MXI1: variants seen among roughly 807,000 people sequenced by gnomAD.
MXI1 encodes MAX interactor 1, dimerization protein, also known as max-interacting protein 1.
MXI1 carries 18 observed loss-of-function variants against 36.9 expected under a neutral mutation model. That is an observed-to-expected ratio of 0.49 (90% CI 0.34 to 0.72). The LOEUF is 0.72. Among genes scored for constraint, MXI1 ranks in the 30% least tolerant of loss-of-function variants. MXI1 has a pLI of 0.01. For synonymous variants in MXI1, 160 were observed against 146.7 expected, an observed-to-expected ratio of 1.09 and a Z score of -0.65; for missense variants, 304 against 379.1, an observed-to-expected ratio of 0.80 and a Z score of 1.64.
intron 1 of MXI1, among the ~76,000 whole-genome samples, chr10:110,220,255 T>G (rs1444087887): frequency 6.6e-6 from 1 of 152,166 alleles, no homozygotes; most frequent in Non-Finnish European, 1.5e-5. Context: ...TTAAATGAAC[T>G]GACTGGAGGA....
chr10:110,226,310 C>G lies in MXI1; in HGVS notation c.275-1879C>G, dbSNP rs1410566359. 8.8e-6 allele frequency: 13 copies of G among 1,481,310 alleles called. No homozygotes were observed. In the South Asian group the frequency reaches 1.4e-4, roughly 16 times the overall value. 91.8% of individuals were successfully genotyped at this position (1,481,310 alleles called of 1,614,324 possible). A position where few individuals can be genotyped will look rare whatever the true frequency, so the allele number is the denominator to read the frequency against. On this transcript the variant is annotated intron_variant, in intron 1 of 5. Coordinates refer to ENST00000332674, the MANE Select transcript of MXI1 (RefSeq NM_130439.3). ...TAATGGCTGGGCGCCGCTGCGTGAG[C>G]CCGAGCGCTACTAATCTTTTTCGGC...
At chr10:110,254,347 T>C (rs1343582904) in intron 3 of MXI1, among the ~76,000 whole-genome samples, 1 of 152,142 alleles carries the variant, frequency 6.6e-6, no homozygotes, top group Non-Finnish European at 1.5e-5. Flanking sequence ...TAATAAATGT[T>C]GTGTGTGTTC....
chr10:110,282,225 C>T (rs1284734627), intron 5 of MXI1, among the ~76,000 whole-genome samples: 5 of 152,164 alleles, frequency 3.3e-5, no homozygotes, highest in African/African-American at 1.2e-4. Context: ...GAATGTGTTC[C>T]AATCCATTGC....
At chr10:110,261,611 C>T (rs1020073325) in intron 3 of MXI1, among the ~76,000 whole-genome samples, 2 of 152,008 alleles carry the variant, frequency 1.3e-5, no homozygotes, top group South Asian at 2.1e-4. Flanking sequence ...AGTACCCAAT[C>T]CCACTTTTTA....
intron 2 of MXI1, among the ~76,000 whole-genome samples, chr10:110,229,936 C>T (rs1855201219): frequency 6.6e-6 from 1 of 152,070 alleles, no homozygotes; most frequent in Admixed American, 6.6e-5. Context: ...GTATTTAAGC[C>T]TTTCCTATTT....
At chr10:110,226,298 C>T in intron 1 of MXI1, 1 of 1,492,384 alleles carries the variant, frequency 6.7e-7, no homozygotes, top group Non-Finnish European at 8.9e-7. Flanking sequence ...TGGCTGGGCG[C>T]CGCTGCGTGA....
intron 1 of MXI1, among the ~76,000 whole-genome samples, chr10:110,223,822 C>CAA (rs544249501): frequency 0.065 from 7,111 of 108,698 alleles, 231 homozygotes; most frequent in Middle Eastern, 0.17. Context: ...AAAGCCTTTA[C>CAA]AAAAAAAAAA....
chr10:110,218,449 C>CA lies in MXI1; in HGVS notation c.275-9726dup, dbSNP rs5787839. On this transcript the variant is annotated intron_variant, in intron 1 of 5. Coordinates refer to ENST00000332674, the MANE Select transcript of MXI1 (RefSeq NM_130439.3). ...TGGGTGACAGAGTAAGACTCCATCT[C>CA]AAAAAAAAAAAAAAGATTTGGAATC... Among the ~76,000 whole-genome samples the CA allele has an allele frequency of 1.2e-3, 168 of 139,192 alleles. 1 individual carries two copies. The highest frequency in any genetic ancestry group is 7.9e-3 in the South Asian group (35 of 4,416). The allele number at this position is 139,192 out of a possible 152,430, so 91.3% of individuals were successfully genotyped here.
In MXI1 at chr10:110,238,505, CTTTGT is replaced by C. The variant is rs535663713; in HGVS notation, c.408-6315_408-6311del. On this transcript the variant is annotated intron_variant, in intron 2 of 5. Coordinates refer to ENST00000332674, the MANE Select transcript of MXI1 (RefSeq NM_130439.3). ...GTCTGTGTTCATGAGAGATGTTAGTCTTTGTTTTGTTTGTTTTCTATGTAATTTGT... is the reference window on the plus strand; with the variant it reads ...GTCTGTGTTCATGAGAGATGTTAGTCTTTGTTTGTTTTCTATGTAATTTGT... Among the ~76,000 whole-genome samples the C allele has an allele frequency of 2.1e-3, 320 of 152,178 alleles. 1 individual carries two copies. Among genetic ancestry groups the C allele is most frequent in the African/African-American group, 6.9e-3 (285 of 41,526 alleles).
rs932472710 is a variant in MXI1, at chr10:110,287,020, T to C, written c.*2033T>C. ...CTGTGTTTGCTTACTCTTGATCAAG[T>C]GTGAGACAGTTTGAAGACTGTGCTA... On this transcript the variant is annotated 3_prime_UTR_variant, in exon 6 of 6. Coordinates refer to ENST00000332674, the MANE Select transcript of MXI1 (RefSeq NM_130439.3). The C allele has an allele frequency of 2.6e-5, 4 of 152,210 alleles. No homozygotes were observed. Among genetic ancestry groups the C allele is most frequent in the Non-Finnish European group, 4.4e-5 (3 of 68,028 alleles). The allele number at this position is 152,210 out of a possible 1,614,324, so 9.4% of individuals were successfully genotyped here. A position where few individuals can be genotyped will look rare whatever the true frequency, so the allele number is the denominator to read the frequency against.
intron 1 of MXI1, among the ~76,000 whole-genome samples, chr10:110,208,876 A>G (rs1008751090): frequency 6.6e-6 from 1 of 152,122 alleles, no homozygotes; most frequent in African/African-American, 2.4e-5. Flanking sequence ...TTGAGAAACA[A>G]TAGTTGGGGA....
chr10:110,208,002 ACAT>A lies in MXI1; in HGVS notation c.197_199del (p.Ile66del). 6.2e-7 allele frequency: 1 copy of A among 1,603,480 alleles called. No individual in the cohort carries two copies. The highest frequency in any genetic ancestry group is 8.5e-7 in the Non-Finnish European group (1 of 1,175,232). On this transcript the variant is annotated inframe_deletion, in exon 1 of 6. Coordinates refer to ENST00000332674, the MANE Select transcript of MXI1 (RefSeq NM_130439.3). ...ACCAGCGAGAACTCGATGGAGAAGC[ACAT>A]CAACACTTTTCTGCAGAACGTGCAG... is the stretch of plus-strand genomic sequence containing the variant.
chr10:110,211,402 C>T (rs1854511685), intron 1 of MXI1, among the ~76,000 whole-genome samples: 1 of 152,182 alleles, frequency 6.6e-6, no homozygotes, highest in Non-Finnish European at 1.5e-5. Context: ...GTAGTGCGGC[C>T]AGCTGGTCCA....
chr10:110,262,214 C>T (rs1314062596), intron 3 of MXI1, among the ~76,000 whole-genome samples: 1 of 152,012 alleles, frequency 6.6e-6, no homozygotes, highest in Non-Finnish European at 1.5e-5. Flanking sequence ...TTCCCTGTGT[C>T]CTTATTCCCT....
rs371981057 is a variant in MXI1 at position 110,276,673 on chromosome 10, C to A, written c.438-2507C>A. Among the ~76,000 whole-genome samples, 196 of 151,866 alleles carry A rather than the reference C, an allele frequency of 1.3e-3. 1 individual carries two copies. Among genetic ancestry groups the A allele is most frequent in the African/African-American group, 4.6e-3 (191 of 41,408 alleles). On this transcript the variant is annotated intron_variant, in intron 3 of 5. Transcript: ENST00000332674. The stretch of plus-strand genomic sequence containing the variant: ...TGGAACAGTGCTGAGTATGTAAAAT[C>A]CATGTAATAAATACATGGAATGATT...
intron 3 of MXI1, among the ~76,000 whole-genome samples, chr10:110,278,457 A>G (rs1043660388): frequency 6.6e-6 from 1 of 152,210 alleles, no homozygotes; most frequent in Non-Finnish European, 1.5e-5. Context: ...TAGCACACTT[A>G]GATAGGAAGC....
intron 3 of MXI1, among the ~76,000 whole-genome samples, chr10:110,256,731 C>T (rs886912640): frequency 1.3e-5 from 2 of 151,402 alleles, no homozygotes; most frequent in Non-Finnish European, 2.9e-5. Context: ...AGATGACCAT[C>T]TAGGGTTGCT....
At chr10:110,218,368 T>G (rs1030634750) in intron 1 of MXI1, among the ~76,000 whole-genome samples, 1 of 151,324 alleles carries the variant, frequency 6.6e-6, no homozygotes, top group Non-Finnish European at 1.5e-5. Context: ...GAGAATGGCG[T>G]GAACCCGGGA....
In MXI1 at chr10:110,286,680, C is replaced by T. The variant is rs1380790651; in HGVS notation, c.*1693C>T. On this transcript the variant is annotated 3_prime_UTR_variant, in exon 6 of 6. Coordinates refer to ENST00000332674, the MANE Select transcript of MXI1 (RefSeq NM_130439.3). ...TTAGACTATCCCTTTGTGAGTGACA[C>T]TTTAACAGCATTCACTGCTTCTATA... 3 of 152,574 alleles carry T rather than the reference C, an allele frequency of 2.0e-5. No individual in the cohort carries two copies. The highest frequency in any genetic ancestry group is 4.8e-5 in the African/African-American group (2 of 41,430). The allele number at this position is 152,574 out of a possible 1,614,324, so 9.5% of individuals were successfully genotyped here.
Sources: allele counts gnomAD v4.1 joint callset (sites outside exome capture counted in the v4.1 genomes callset), GRCh38; gene constraint gnomAD v4.1.1; transcripts MANE v1.5; gene names NCBI Gene and HGNC (gene_info 2026-07-23, HGNC 2026-07-21).